Variants in EEF1E1 observed in about 807,000 individuals in gnomAD.
EEF1E1 encodes eukaryotic translation elongation factor 1 epsilon-1.
In EEF1E1, 19 loss-of-function variants were observed where a neutral mutation model predicts 19.9. The observed-to-expected ratio is 0.95, with a 90% CI of 0.66 to 1.40. EEF1E1 has a LOEUF of 1.40. Ranked by LOEUF, EEF1E1 falls within the 40% of genes most tolerant of loss-of-function variation. The probability of loss-of-function intolerance (pLI) is 0.00; values close to 1 mark genes in which losing one functional copy is unlikely to be tolerated. For synonymous variants in EEF1E1, 81 were observed against 80.0 expected (o/e 1.01, Z -0.07); for missense variants, 198 against 202.2 (o/e 0.98, Z 0.13).
intron 1 of EEF1E1, 39 bp downstream of exon 1, chr6:8,102,396 C>T: frequency 1.3e-6 from 2 of 1,590,792 alleles, no homozygotes; most frequent in Admixed American, 1.7e-5. Flanking sequence ...GCCCCGCTCC[C>T]GTCCACCTCT....
intron 3 of EEF1E1, among the ~76,000 whole-genome samples, chr6:8,087,183 TGA>T (rs1348587438): frequency 6.6e-6 from 1 of 152,162 alleles, no homozygotes; most frequent in Non-Finnish European, 1.5e-5. Context: ...ATGTTGTGGC[TGA>T]GAGAATGACG....
At chr6:8,095,284 T>C in intron 2 of EEF1E1, 1 of 293,016 alleles carries the variant, frequency 3.4e-6, no homozygotes, top group Non-Finnish European at 7.0e-6. Flanking sequence ...GCGGATCATT[T>C]GAGGTCAGGA....
At position 8,079,964 on chromosome 6, in the gene EEF1E1, GC is replaced by G; in HGVS notation, c.450del (p.Gln150HisfsTer40). 1 of 1,613,596 alleles carries G rather than the reference GC, an allele frequency of 6.2e-7. No individual in the cohort carries two copies. The highest frequency in any genetic ancestry group is 8.5e-7 in the Non-Finnish European group (1 of 1,179,916). On this transcript the variant is annotated frameshift_variant, in exon 4 of 4. Transcript: ENST00000379715. LOFTEE classifies it high-confidence loss of function. The part of the protein sequence containing the change: ...LNVSRWFCHI[Q>X]HYPGIRQHLS... Reference sequence around the variant, plus strand: ...AGATGTTGCCTGATGCCTGGATAATGCTGAATGTGACAAAACCAGCGAGACA... The same window carrying G: ...AGATGTTGCCTGATGCCTGGATAATGTGAATGTGACAAAACCAGCGAGACA...
intron 2 of EEF1E1, among the ~76,000 whole-genome samples, chr6:8,091,044 T>TA (rs1420199069): frequency 6.6e-6 from 1 of 152,256 alleles, no homozygotes; most frequent in Non-Finnish European, 1.5e-5. Context: ...GGTATATACT[T>TA]ACAAGTACAA....
chr6:8,101,454 A>T (rs938157312), intron 1 of EEF1E1, among the ~76,000 whole-genome samples: 3 of 151,144 alleles, frequency 2.0e-5, no homozygotes, highest in Non-Finnish European at 2.9e-5. Flanking sequence ...CTTTGGCTCC[A>T]ACGCCTACTC....
chr6:8,084,153 C>T (rs1757787785), intron 3 of EEF1E1, among the ~76,000 whole-genome samples: 1 of 152,198 alleles, frequency 6.6e-6, no homozygotes, highest in Non-Finnish European at 1.5e-5. Context: ...TTAATCATAA[C>T]ATCCTGGTCA....
Position 8,093,324 on chromosome 6 carries a change from CTTTTTTTTT to C in EEF1E1, c.289-3052_289-3044del, listed in dbSNP as rs57000456. 1.9e-4 allele frequency among the ~76,000 whole-genome samples: 25 copies of C among 135,054 alleles called. No individual in the cohort carries two copies. In the South Asian group the frequency reaches 4.9e-3, roughly 26 times the overall value. 88.6% of individuals were successfully genotyped at this position (135,054 alleles called of 152,430 possible). The stretch of plus-strand genomic sequence containing the variant: ...ACTAATTATGTCTGACATTCGCTTC[CTTTTTTTTT>C]TTTTTTTTTTACAATTCTTTCTGAT... On this transcript the variant is annotated intron_variant, in intron 2 of 3. Transcript: ENST00000379715.
At chr6:8,102,153 C>T (rs1269495310) in intron 1 of EEF1E1, 2 of 1,277,604 alleles carry the variant, frequency 1.6e-6, no homozygotes, top group Admixed American at 6.9e-5. Flanking sequence ...GAGGACCCTC[C>T]TCCAACTGGT....
intron 3 of EEF1E1, among the ~76,000 whole-genome samples, chr6:8,088,966 G>A (rs1757943141): frequency 6.6e-6 from 1 of 151,612 alleles, no homozygotes; most frequent in Non-Finnish European, 1.5e-5. Context: ...AAGGAACTGA[G>A]CCAGTATGAG....
At chr6:8,098,401 A>G (rs1235280117) in intron 1 of EEF1E1, among the ~76,000 whole-genome samples, 1 of 152,180 alleles carries the variant, frequency 6.6e-6, no homozygotes, top group African/African-American at 2.4e-5. Context: ...TACAAGCGTG[A>G]GCCACCGCGC....
At chr6:8,098,451 C>T (rs1053667992) in intron 1 of EEF1E1, among the ~76,000 whole-genome samples, 2 of 152,148 alleles carry the variant, frequency 1.3e-5, no homozygotes, top group Non-Finnish European at 2.9e-5. Context: ...GTGATTTATA[C>T]TTTGCAAGGC....
intron 3 of EEF1E1, among the ~76,000 whole-genome samples, chr6:8,088,733 G>A (rs1757936383): frequency 6.6e-6 from 1 of 152,136 alleles, no homozygotes. Context: ...TTTGGCCTAG[G>A]AAAAAGGCAA....
intron 3 of EEF1E1, among the ~76,000 whole-genome samples, chr6:8,087,630 G>A (rs1293602291): frequency 6.6e-6 from 1 of 152,272 alleles, no homozygotes; most frequent in South Asian, 2.1e-4. Context: ...TGGGATTACA[G>A]GGGTGAGCTA....
chr6:8,078,527 A>T, downstream of EEF1E1: 4 of 526,520 alleles, frequency 7.6e-6, no homozygotes, highest in South Asian at 1.4e-4. Flanking sequence ...ACATGAAGCA[A>T]GCACAAGCCG....
chr6:8,081,810 C>T (rs1757730267), intron 3 of EEF1E1, among the ~76,000 whole-genome samples: 1 of 152,188 alleles, frequency 6.6e-6, no homozygotes, highest in Non-Finnish European at 1.5e-5. Flanking sequence ...ACAGATGTAA[C>T]AATAAGTTTT....
chr6:8,094,339 G>A (rs1758105399), intron 2 of EEF1E1, among the ~76,000 whole-genome samples: 1 of 152,088 alleles, frequency 6.6e-6, no homozygotes, highest in South Asian at 2.1e-4. Flanking sequence ...GCTCACTCCT[G>A]TAATCCCAAC....
chr6:8,091,436 ACC>A (rs34416820), intron 2 of EEF1E1, among the ~76,000 whole-genome samples: 3 of 152,234 alleles, frequency 2.0e-5, no homozygotes, highest in Admixed American at 1.3e-4. Context: ...CTGAATATTA[ACC>A]CCTTAACAAA....
intron 2 of EEF1E1, 31 bp from the exon 3 acceptor site, chr6:8,090,312 A>C: frequency 1.4e-6 from 2 of 1,386,138 alleles, no homozygotes; most frequent in Non-Finnish European, 1.9e-6. Flanking sequence ...ATAAATATTA[A>C]TGTAAAAAAC....
At chr6:8,092,878 T>C (rs922432045) in intron 2 of EEF1E1, among the ~76,000 whole-genome samples, 1 of 139,380 alleles carries the variant, frequency 7.2e-6, no homozygotes, top group Non-Finnish European at 1.5e-5. Context: ...GCTTTTTTTT[T>C]TTTTTTTTTT....
Sources: allele counts gnomAD v4.1 joint callset (sites outside exome capture counted in the v4.1 genomes callset), GRCh38; gene constraint gnomAD v4.1.1; transcripts MANE v1.5; gene names NCBI Gene and HGNC (gene_info 2026-07-23, HGNC 2026-07-21).